CIAO3: variants seen among roughly 807,000 people sequenced by gnomAD.
CIAO3 encodes the protein LET1 like/JFP15.
In CIAO3, 45 loss-of-function variants were observed where a neutral mutation model predicts 51.5. The ratio of observed to expected loss-of-function variants is 0.87; its 90% CI spans 0.69 to 1.12. The LOEUF (loss-of-function observed/expected upper bound fraction) is 1.12. CIAO3 is among the 50% of genes most tolerant of loss of function. The pLI, the probability that CIAO3 is intolerant of heterozygous loss-of-function variation, is 0.00. For missense variants in CIAO3, 668 were observed against 632.5 expected (o/e 1.06, Z -0.60); for synonymous variants, 314 against 269.3 (o/e 1.17, Z -1.63).
At chr16:732,397 C>T (rs12443803) in intron 7 of CIAO3, 24 bp from the exon 8 acceptor site, 353,934 of 1,611,622 alleles carry the variant, frequency 0.22, 41,976 homozygotes, top group South Asian at 0.27. Context: ...ACAGCGCAGA[C>T]ACTCTTTAGC....
At chr16:738,891 A>T (rs1284219099) in intron 2 of CIAO3, among the ~76,000 whole-genome samples, 1 of 120,780 alleles carries the variant, frequency 8.3e-6, no homozygotes, top group Non-Finnish European at 1.7e-5. Flanking sequence ...CGCCCCCCCT[A>T]CCCTGGCCTC....
rs2041250545 is a variant in CIAO3, at chr16:729,879, G to A, written c.*538C>T. The A allele has an allele frequency of 1.2e-5, 5 of 427,770 alleles. No homozygotes were observed. Among genetic ancestry groups the A allele is most frequent in the Non-Finnish European group, 2.0e-5 (5 of 249,840 alleles). 26.5% of individuals were successfully genotyped at this position (427,770 alleles called of 1,614,324 possible). ...GCTGCTTCGTACTTGGCTTGCCCCG[G>A]ACCACAGCCTCGTAACGGTAACCCC... On this transcript the variant is annotated 3_prime_UTR_variant, in exon 11 of 11. Transcript: ENST00000251588.
intron 1 of CIAO3, chr16:740,108 T>C (rs1287951142): frequency 1.4e-5 from 19 of 1,317,118 alleles, no homozygotes; most frequent in East Asian, 5.0e-5. Context: ...TTGGATCTGT[T>C]TGGAGACCAC....
chr16:734,499 G>A (rs777604303), intron 5 of CIAO3, 152 bp from the exon 6 acceptor site: 10 of 848,812 alleles, frequency 1.2e-5, no homozygotes, highest in African/African-American at 6.6e-5. Context: ...CCACCACCAC[G>A]CGGAGCTCGG....
intron 10 of CIAO3, 76 bp from the exon 11 acceptor site, chr16:730,731 G>A (rs1413357769): frequency 1.9e-6 from 3 of 1,582,032 alleles, no homozygotes; most frequent in Non-Finnish European, 2.6e-6. Context: ...GAGCAGGGAG[G>A]TGACCGGGCC....
At position 734,110 on chromosome 16, in the gene CIAO3, T is replaced by C. The variant is rs1262766046; in HGVS notation, c.693+119A>G. On this transcript the variant is annotated intron_variant, in intron 6 of 10. Coordinates refer to ENST00000251588, the MANE Select transcript of CIAO3 (RefSeq NM_022493.3). ...GGAGGGAACAAGGGTGGAGGTGTGC[T>C]GGGGAAGGCCGCACAGCACAGCGAG... 1.1e-5 allele frequency: 10 copies of C among 876,768 alleles called. No individual in the cohort carries two copies. In the Admixed American group the frequency reaches 1.8e-4, roughly 16 times the overall value. The allele number at this position is 876,768 out of a possible 1,614,324, so 54.3% of individuals were successfully genotyped here. A position where few individuals can be genotyped will look rare whatever the true frequency, so the allele number is the denominator to read the frequency against.
chr16:730,669 G>A lies in CIAO3; in HGVS notation c.1193-14C>T, dbSNP rs1406629566. 6.2e-7 allele frequency: 1 copy of A among 1,605,350 alleles called. No homozygotes were observed. Among genetic ancestry groups the A allele is most frequent in the East Asian group, 2.2e-5 (1 of 44,854 alleles). On this transcript the variant is annotated splice_polypyrimidine_tract_variant and intron_variant, in intron 10 of 10. Transcript: ENST00000251588. ...CGTTCAGGCAGCCTATGGGAGAGCA[G>A]ACGGGACAGGGGTCACAGCCTGCGC... is the stretch of plus-strand genomic sequence containing the variant.
Position 729,837 on chromosome 16 carries a change from T to G in CIAO3, c.*580A>C. 1 of 659,502 alleles carries G rather than the reference T, an allele frequency of 1.5e-6. No homozygotes were observed. The highest frequency in any genetic ancestry group is 1.9e-5 in the South Asian group (1 of 52,496). The allele number at this position is 659,502 out of a possible 1,614,324, so 40.9% of individuals were successfully genotyped here. On this transcript the variant is annotated 3_prime_UTR_variant, in exon 11 of 11. Coordinates refer to ENST00000251588, the MANE Select transcript of CIAO3 (RefSeq NM_022493.3). ...TGGTGGGGACCTGGCTGGGGGATGA[T>G]GCAGCCCGCGATGGCTGCTGCTTCG...
At chr16:735,213 C>G in intron 4 of CIAO3, 1 of 269,490 alleles carries the variant, frequency 3.7e-6, no homozygotes, top group Non-Finnish European at 7.0e-6. Flanking sequence ...TCCCGGTGAC[C>G]CTCCCTAGGG....
chr16:738,567 TGGTCTC>T (rs1210224980), intron 2 of CIAO3: 2 of 154,522 alleles, frequency 1.3e-5, no homozygotes, highest in African/African-American at 4.9e-5. Context: ...TTAGCCAGGA[TGGTCTC>T]GATCTCCTGA....
intron 6 of CIAO3, 175 bp from the exon 7 acceptor site, chr16:733,602 C>T: frequency 1.1e-6 from 1 of 922,942 alleles, no homozygotes; most frequent in Non-Finnish European, 1.6e-6. Context: ...CAGGACGGGC[C>T]CTGGCTGTGA....
At chr16:732,637 T>C (rs1282296753) in intron 7 of CIAO3, 1 of 534,098 alleles carries the variant, frequency 1.9e-6, no homozygotes, top group Non-Finnish European at 3.4e-6. Context: ...TTAGGCAGTC[T>C]GCTTTTCTTT....
At position 733,390 on chromosome 16, in the gene CIAO3, A is replaced by G. The variant is rs762839380; in HGVS notation, c.731T>C (p.Met244Thr). The G allele has an allele frequency of 8.7e-6, 14 of 1,613,898 alleles. No homozygotes were observed. The Admixed American group carries it at 1.7e-4, about 19-fold the overall frequency. Residue 244 changes from methionine to threonine, a missense_variant, in exon 7 of 11, where the codon ATG (methionine) becomes ACG (threonine). Coordinates refer to ENST00000251588, the MANE Select transcript of CIAO3 (RefSeq NM_022493.3). ...TTCCAGCTTTTTGTCATAGCAGGGCATCACTGTGACGTGGTAGATCTTGTC... is the reference window on the plus strand; with the variant it reads ...TTCCAGCTTTTTGTCATAGCAGGGCGTCACTGTGACGTGGTAGATCTTGTC... ...TPDKIYHVTVMPCYDKKLEAS... is the reference protein window; with the variant it reads ...TPDKIYHVTVTPCYDKKLEAS...
rs755029888 is a variant in CIAO3, at chr16:730,424, C to T, written c.1424G>A (p.Arg475Gln). ...GTCCTGGTCCTGCAGCCCCTACCAC[C>T]GGATGCCCAGGCCAGTGCTGGCCTT... ...VEKASTGLGIRW is the reference protein window; with the variant it reads ...VEKASTGLGIQW Residue 475 changes from arginine to glutamine, a missense_variant, in exon 11 of 11, where the codon CGG (arginine) becomes CAG (glutamine). Physicochemically the swap from Arg to Gln is conservative, Grantham distance 43. Coordinates refer to ENST00000251588, the MANE Select transcript of CIAO3 (RefSeq NM_022493.3). The T allele has an allele frequency of 1.1e-5, 18 of 1,601,498 alleles. No homozygotes were observed. The highest frequency in any genetic ancestry group is 6.7e-5 in the Admixed American group (4 of 59,990).
chr16:729,828 G>A lies in CIAO3; in HGVS notation c.*589C>T. 2.6e-6 allele frequency: 2 copies of A among 767,660 alleles called. No individual in the cohort carries two copies. Among genetic ancestry groups the A allele is most frequent in the Non-Finnish European group, 1.8e-6 (1 of 542,804 alleles). 47.6% of individuals were successfully genotyped at this position (767,660 alleles called of 1,614,324 possible). On this transcript the variant is annotated 3_prime_UTR_variant, in exon 11 of 11. Transcript: ENST00000251588. ...AGACAGGCCTGGTGGGGACCTGGCT[G>A]GGGGATGATGCAGCCCGCGATGGCT... is the stretch of plus-strand genomic sequence containing the variant.
intron 8 of CIAO3, 69 bp downstream of exon 8, chr16:732,232 A>C: frequency 6.7e-7 from 1 of 1,491,150 alleles, no homozygotes; most frequent in Non-Finnish European, 9.1e-7. Context: ...AGCCCAGAGC[A>C]GGGGGATGCT....
chr16:729,776 G>C lies in CIAO3; in HGVS notation c.*641C>G. The C allele has an allele frequency of 7.7e-7, 1 of 1,293,042 alleles. No homozygotes were observed. The highest frequency in any genetic ancestry group is 3.1e-5 in the Admixed American group (1 of 32,390). 80.1% of individuals were successfully genotyped at this position (1,293,042 alleles called of 1,614,324 possible). A position where few individuals can be genotyped will look rare whatever the true frequency, so the allele number is the denominator to read the frequency against. ...TGTTTTCGTAGGCGTGTTTTAGGAG[G>C]GGTGCGTTTATTAGACAAACGCTGG... On this transcript the variant is annotated 3_prime_UTR_variant, in exon 11 of 11. Coordinates refer to ENST00000251588, the MANE Select transcript of CIAO3 (RefSeq NM_022493.3).
In CIAO3 at chr16:737,173, G is replaced by C; in HGVS notation, c.306+13C>G. 6.2e-7 allele frequency: 1 copy of C among 1,613,430 alleles called. No individual in the cohort carries two copies. The highest frequency in any genetic ancestry group is 8.5e-7 in the Non-Finnish European group (1 of 1,179,892). ...CAGGTTAAAGCAGAGTCACCAGGCCGACCACTGCTTACCTTGTTAGCATCT... is the reference window on the plus strand; with the variant it reads ...CAGGTTAAAGCAGAGTCACCAGGCCCACCACTGCTTACCTTGTTAGCATCT... On this transcript the variant is annotated intron_variant, in intron 3 of 10. Coordinates refer to ENST00000251588, the MANE Select transcript of CIAO3 (RefSeq NM_022493.3). The surrounding 1 kb of genome is among the most constrained non-coding windows in gnomAD (Gnocchi z 5.3).
chr16:731,423 G>T, intron 9 of CIAO3, 142 bp downstream of exon 9: 1 of 1,217,588 alleles, frequency 8.2e-7, no homozygotes, highest in Non-Finnish European at 1.1e-6. Context: ...GGCCCTGCCT[G>T]GCCCCAGGGT....
Sources: gnomAD v4.1 joint callset for allele counts (sites outside exome capture counted in the v4.1 genomes callset) on GRCh38, gnomAD v4.1.1 for gene constraint, Gnocchi (gnomAD v3.1) non-coding constraint, MANE v1.5 for transcripts, NCBI Gene and HGNC (gene_info 2026-07-23, HGNC 2026-07-21) for gene names.